C10orf90: variants seen among roughly 807,000 people sequenced by gnomAD.
The protein encoded by C10orf90 is chromosome 10 open reading frame 90, also known as (E2-independent) E3 ubiquitin-conjugating enzyme FATS.
Under a neutral mutation model 62.5 loss-of-function variants are expected in C10orf90, and 56 were observed. That is an observed-to-expected ratio of 0.90 (90% CI 0.72 to 1.12). C10orf90 has a LOEUF of 1.12. C10orf90 is among the 50% of genes most tolerant of loss of function. The probability of loss-of-function intolerance (pLI) is 0.00; values close to 1 mark genes in which losing one functional copy is unlikely to be tolerated. For missense variants in C10orf90, 970 were observed against 880.4 expected (o/e 1.10, Z -1.29); for synonymous variants, 386 against 340.4 (o/e 1.13, Z -1.47).
Position 126,515,118 on chromosome 10 carries a change from C to A in C10orf90, c.314-1179G>T, listed in dbSNP as rs141711667. 5.6e-4 allele frequency among the ~76,000 whole-genome samples: 86 copies of A among 152,346 alleles called. 1 individual carries two copies. The highest frequency in any genetic ancestry group is 1.9e-3 in the African/African-American group (78 of 41,580). On this transcript the variant is annotated intron_variant, in intron 2 of 9. Coordinates refer to ENST00000488181, the MANE Select transcript of C10orf90 (RefSeq NM_001350921.2). Reference sequence around the variant, plus strand: ...ATACAGTCACGCTCTGCATGACAACCTTTCGGTCAATGAAGGACTGCATAT... The same window carrying A: ...ATACAGTCACGCTCTGCATGACAACATTTCGGTCAATGAAGGACTGCATAT...
chr10:126,427,334 T>C (rs1270228090), intron 8 of C10orf90, among the ~76,000 whole-genome samples: 1 of 152,236 alleles, frequency 6.6e-6, no homozygotes, highest in Non-Finnish European at 1.5e-5. Context: ...CAGATCCATA[T>C]AGACTGATCT....
chr10:126,492,762 A>G (rs1861833656), intron 4 of C10orf90, among the ~76,000 whole-genome samples: 1 of 152,220 alleles, frequency 6.6e-6, no homozygotes, highest in Non-Finnish European at 1.5e-5. Context: ...TTTTGTAATG[A>G]CAATATCCAA....
In C10orf90 at chr10:126,453,934, G is replaced by A. The variant is rs779119044; in HGVS notation, c.2188+5106C>T. On this transcript the variant is annotated intron_variant, in intron 7 of 9. Coordinates refer to ENST00000488181, the MANE Select transcript of C10orf90 (RefSeq NM_001350921.2). This position sits in a 1 kb window ranked among gnomAD's most constrained non-coding sequence, Gnocchi z 4.9. ...GGAAATGAGACCAACTGGAAAGGTT[G>A]AGAGTGGGCAGAGTCAGGCTGAGAG... Among the ~76,000 whole-genome samples, 1 of 152,196 alleles carries A rather than the reference G, an allele frequency of 6.6e-6. No individual in the cohort carries two copies. Among genetic ancestry groups the A allele is most frequent in the Non-Finnish European group, 1.5e-5 (1 of 68,026 alleles).
At chr10:126,466,071 T>TA (rs1373331057) in intron 4 of C10orf90, among the ~76,000 whole-genome samples, 1 of 152,070 alleles carries the variant, frequency 6.6e-6, no homozygotes, top group East Asian at 1.9e-4. Flanking sequence ...GAATGCCCTA[T>TA]ACGTTTTTTA....
intron 2 of C10orf90, among the ~76,000 whole-genome samples, chr10:126,527,626 A>G (rs765701505): frequency 1.1e-4 from 16 of 152,210 alleles, no homozygotes; most frequent in Non-Finnish European, 2.9e-5. Context: ...TAGCTTGGTC[A>G]CTTATAAAAT....
chr10:126,449,114 T>C lies in C10orf90; in HGVS notation c.2188+9926A>G, dbSNP rs373752478. 1.8e-4 allele frequency among the ~76,000 whole-genome samples: 27 copies of C among 152,304 alleles called. No homozygotes were observed. The East Asian group carries it at 4.1e-3, about 23-fold the overall frequency. ...GGAAATTACAGACCAATACCCCTGA[T>C]GAACATAGATGCAAAAATCCTCAAC... On this transcript the variant is annotated intron_variant, in intron 7 of 9. Transcript: ENST00000488181.
chr10:126,431,118 G>A (rs540614586), intron 7 of C10orf90, among the ~76,000 whole-genome samples: 15 of 152,324 alleles, frequency 9.8e-5, no homozygotes, highest in Admixed American at 6.5e-4. Flanking sequence ...TTCCAACTAA[G>A]TGGCTGTATT....
intron 4 of C10orf90, among the ~76,000 whole-genome samples, chr10:126,467,931 C>T (rs1379439431): frequency 6.6e-6 from 1 of 152,174 alleles, no homozygotes. Context: ...TCTTGGATGG[C>T]ACCCACCCAC....
chr10:126,599,182 C>CTT (rs755259124), intron 2 of C10orf90, among the ~76,000 whole-genome samples: 64 of 128,254 alleles, frequency 5.0e-4, no homozygotes, highest in African/African-American at 7.3e-4. Flanking sequence ...GGTTCCACTC[C>CTT]TTTTTTTTTT....
Position 126,459,078 on chromosome 10 carries a change from G to C in C10orf90, c.2150C>G (p.Thr717Ser), listed in dbSNP as rs547296611. The change falls in exon 7 of 10, where the codon ACC becomes AGC. Residue 717 changes from threonine to serine, a missense_variant. Coordinates refer to ENST00000488181, the MANE Select transcript of C10orf90 (RefSeq NM_001350921.2). ...GGGAATCGTGAACTGCTTCTTGCTG[G>C]TGCGGATGGGAAGGAGGCTCTGCTT... ...RQKQSLLPIR[T>S]SKKQFTIPHP... is the part of the protein sequence containing the mutation. 8.7e-6 allele frequency: 14 copies of C among 1,613,784 alleles called. No homozygotes were observed. Among genetic ancestry groups the C allele is most frequent in the African/African-American group, 4.0e-5 (3 of 75,032 alleles).
At chr10:126,451,753 AAGAGGGAAATCCTGTCAT>A (rs564003932) in intron 7 of C10orf90, among the ~76,000 whole-genome samples, 105 of 152,294 alleles carry the variant, frequency 6.9e-4, no homozygotes, top group African/African-American at 2.4e-3. Context: ...AGTCTTAAAG[AAGAGGGAAATCCTGTCAT>A]CTGCAACACC....
At chr10:126,491,398 T>G (rs1417699558) in intron 4 of C10orf90, among the ~76,000 whole-genome samples, 2 of 152,204 alleles carry the variant, frequency 1.3e-5, no homozygotes, top group Non-Finnish European at 2.9e-5. Flanking sequence ...TACATAGGTA[T>G]ATACATAAAA....
intron 2 of C10orf90, among the ~76,000 whole-genome samples, chr10:126,627,519 C>G (rs1009207889): frequency 6.6e-6 from 1 of 151,142 alleles, no homozygotes; most frequent in African/African-American, 2.4e-5. Flanking sequence ...GAAATCATGG[C>G]TGAAATTCCA....
In C10orf90 at chr10:126,611,854, A is replaced by G. The variant is rs74158849; in HGVS notation, c.313+34711T>C. 3.3e-3 allele frequency among the ~76,000 whole-genome samples: 501 copies of G among 152,302 alleles called. 3 individuals carry two copies. Among genetic ancestry groups the G allele is most frequent in the African/African-American group, 0.012 (488 of 41,566 alleles). ...ACAGTAGTTGGGTCCCAAGTGGTGC[A>G]TAGAGAGTACAAACAAATTCACAAT... On this transcript the variant is annotated intron_variant, in intron 2 of 9. Coordinates refer to ENST00000488181, the MANE Select transcript of C10orf90 (RefSeq NM_001350921.2).
intron 7 of C10orf90, among the ~76,000 whole-genome samples, chr10:126,437,661 G>A (rs1369651778): frequency 6.6e-6 from 1 of 152,202 alleles, no homozygotes; most frequent in African/African-American, 2.4e-5. Context: ...GGGACATATG[G>A]TATTTGGGAC....
At chr10:126,619,856 G>A (rs1013483089) in intron 2 of C10orf90, among the ~76,000 whole-genome samples, 3 of 152,112 alleles carry the variant, frequency 2.0e-5, no homozygotes, top group African/African-American at 7.2e-5. Flanking sequence ...GCCCAAGCTG[G>A]ACTCGAGCTC....
intron 1 of C10orf90, among the ~76,000 whole-genome samples, chr10:126,655,834 C>CAAAAA (rs1195360598): frequency 5.6e-4 from 71 of 126,380 alleles, no homozygotes; most frequent in Admixed American, 6.6e-4. Context: ...CAAAACAAAA[C>CAAAAA]AAAACAAAAA....
In C10orf90 at chr10:126,637,463, C is replaced by T. The variant is rs1440959660; in HGVS notation, c.313+9102G>A. 2.6e-5 allele frequency among the ~76,000 whole-genome samples: 4 copies of T among 152,372 alleles called. No homozygotes were observed. The East Asian group carries it at 7.7e-4, about 29-fold the overall frequency. ...CTGGCAAGCAAAATCAGACAGGCCCCTGCTCTTGCGGAGCTTGTGGTTTGG... is the reference window on the plus strand; with the variant it reads ...CTGGCAAGCAAAATCAGACAGGCCCTTGCTCTTGCGGAGCTTGTGGTTTGG... On this transcript the variant is annotated intron_variant, in intron 2 of 9. Transcript: ENST00000488181.
chr10:126,669,042 CT>C, intron 1 of C10orf90, among the ~76,000 whole-genome samples: 1 of 152,258 alleles, frequency 6.6e-6, no homozygotes, highest in East Asian at 1.9e-4. Flanking sequence ...GTTTTTCTCT[CT>C]CTGGAGGACT....
Sources: gnomAD v4.1 joint callset for allele counts (sites outside exome capture counted in the v4.1 genomes callset) on GRCh38, gnomAD v4.1.1 for gene constraint, Gnocchi (gnomAD v3.1) non-coding constraint, MANE v1.5 for transcripts, NCBI Gene and HGNC (gene_info 2026-07-23, HGNC 2026-07-21) for gene names.